CLNK: variants seen among roughly 807,000 people sequenced by gnomAD.
CLNK encodes cytokine dependent hematopoietic cell linker, also known as cytokine-dependent hematopoietic cell linker.
In CLNK, 74 loss-of-function variants were observed where a neutral mutation model predicts 68.6. That is an observed-to-expected ratio of 1.08 (90% CI 0.89 to 1.31). CLNK has a LOEUF of 1.31. CLNK is among the 50% of genes most tolerant of loss of function. The pLI is 0.00. For synonymous variants in CLNK, 198 were observed against 172.2 expected (o/e 1.15, Z -1.17); for missense variants, 553 against 515.3 (o/e 1.07, Z -0.71).
At chr4:10,530,863 G>A (rs1295452008) in intron 12 of CLNK, among the ~76,000 whole-genome samples, 1 of 152,160 alleles carries the variant, frequency 6.6e-6, no homozygotes, top group Non-Finnish European at 1.5e-5. Context: ...GTGACACTAA[G>A]GAAGTGCAAC....
intron 2 of CLNK, among the ~76,000 whole-genome samples, chr4:10,621,472 C>G (rs1051134784): frequency 2.0e-5 from 3 of 152,222 alleles, no homozygotes; most frequent in Non-Finnish European, 2.9e-5. Flanking sequence ...CAGTGGGTGT[C>G]CTTTGAGTCA....
At chr4:10,604,161 A>G (rs1721699056) in intron 2 of CLNK, among the ~76,000 whole-genome samples, 1 of 152,150 alleles carries the variant, frequency 6.6e-6, no homozygotes, top group Non-Finnish European at 1.5e-5. Flanking sequence ...TCGTGATTAT[A>G]TTTATTCTCT....
intron 10 of CLNK, among the ~76,000 whole-genome samples, chr4:10,541,211 CAA>C (rs762227935): frequency 2.1e-5 from 1 of 47,596 alleles, no homozygotes; most frequent in African/African-American, 5.8e-5. Context: ...CAGACTGTCT[CAA>C]AAAAAAAACA....
At chr4:10,720,414 A>G in the CLNK span, among the ~76,000 whole-genome samples, 1 of 152,120 alleles carries the variant, frequency 6.6e-6, no homozygotes, top group Admixed American at 6.5e-5. Context: ...AAATTAAATT[A>G]GAAAGTAGGC....
intron 14 of CLNK, among the ~76,000 whole-genome samples, chr4:10,525,111 C>G (rs1718250322): frequency 6.6e-6 from 1 of 152,144 alleles, no homozygotes; most frequent in Non-Finnish European, 1.5e-5. Flanking sequence ...GTCGCCCAGG[C>G]TGGAGTGCAG....
chr4:10,660,186 C>A (rs1416517677), intron 2 of CLNK, among the ~76,000 whole-genome samples: 1 of 152,150 alleles, frequency 6.6e-6, no homozygotes. Context: ...TTCCATGTAA[C>A]AAAATGCAGC....
At chr4:10,644,980 A>C (rs1003575894) in intron 2 of CLNK, among the ~76,000 whole-genome samples, 1 of 152,256 alleles carries the variant, frequency 6.6e-6, no homozygotes, top group Non-Finnish European at 1.5e-5. Context: ...CCCAGTTCAT[A>C]GCTGGGTAAG....
intron 15 of CLNK, among the ~76,000 whole-genome samples, chr4:10,513,845 A>G (rs1245761951): frequency 6.9e-6 from 1 of 144,786 alleles, no homozygotes. Flanking sequence ...TATTATTATT[A>G]TTATTATTAT....
At chr4:10,626,720 T>C (rs1232005616) in intron 2 of CLNK, among the ~76,000 whole-genome samples, 7 of 152,342 alleles carry the variant, frequency 4.6e-5, no homozygotes, top group African/African-American at 1.7e-4. Context: ...GAAATCATAT[T>C]TGATGACTGC....
upstream of CLNK, among the ~76,000 whole-genome samples, chr4:10,688,104 G>A (rs1295395522): frequency 1.3e-5 from 2 of 152,150 alleles, no homozygotes; most frequent in Non-Finnish European, 2.9e-5. Flanking sequence ...TCCTGCAATG[G>A]GCTAGCATGT....
At chr4:10,542,920 A>G (rs1223994323) in intron 8 of CLNK, among the ~76,000 whole-genome samples, 1 of 152,038 alleles carries the variant, frequency 6.6e-6, no homozygotes. Context: ...ATTTGTCTGA[A>G]CTCTAGGTAG....
At chr4:10,567,319 A>C (rs1396814532) in intron 5 of CLNK, among the ~76,000 whole-genome samples, 1 of 152,188 alleles carries the variant, frequency 6.6e-6, no homozygotes, top group Non-Finnish European at 1.5e-5. Context: ...GAAGTGTACT[A>C]AGACAATACA....
chr4:10,699,677 T>C, the CLNK span, among the ~76,000 whole-genome samples: 1 of 151,146 alleles, frequency 6.6e-6, no homozygotes, highest in African/African-American at 2.4e-5. Flanking sequence ...CACACCCTGC[T>C]AATTTTTGTA....
intron 15 of CLNK, among the ~76,000 whole-genome samples, chr4:10,514,731 C>T (rs914977362): frequency 6.6e-6 from 1 of 150,376 alleles, no homozygotes; most frequent in Non-Finnish European, 1.5e-5. Context: ...CAATGGCAAC[C>T]AAAGCCAAAA....
chr4:10,596,264 A>C (rs1398981007), intron 3 of CLNK, among the ~76,000 whole-genome samples: 2 of 152,186 alleles, frequency 1.3e-5, no homozygotes, highest in Admixed American at 1.3e-4. Context: ...ACCTCAGGTG[A>C]TCCGCCTGCC....
At chr4:10,612,405 T>G (rs1722065764) in intron 2 of CLNK, among the ~76,000 whole-genome samples, 1 of 152,158 alleles carries the variant, frequency 6.6e-6, no homozygotes, top group East Asian at 1.9e-4. Context: ...TTGCTGAGAG[T>G]GTGTCAGCCA....
intron 3 of CLNK, among the ~76,000 whole-genome samples, chr4:10,590,033 C>A (rs768331079): frequency 5.3e-5 from 8 of 152,140 alleles, no homozygotes; most frequent in Non-Finnish European, 8.8e-5. Flanking sequence ...CACATTTGGG[C>A]CTAAAGAAAG....
At chr4:10,669,214 C>G (rs1008285415) in intron 1 of CLNK, among the ~76,000 whole-genome samples, 2 of 152,240 alleles carry the variant, frequency 1.3e-5, no homozygotes, top group South Asian at 2.1e-4. Flanking sequence ...CAGTGAGACA[C>G]AGTCCCTGCC....
At chr4:10,647,007 A>G (rs1265507312) in intron 2 of CLNK, among the ~76,000 whole-genome samples, 1 of 152,122 alleles carries the variant, frequency 6.6e-6, no homozygotes, top group Non-Finnish European at 1.5e-5. Context: ...ATCACTGAAC[A>G]TTGTATACAT....
Sources: gnomAD v4.1 joint callset for allele counts (sites outside exome capture counted in the v4.1 genomes callset) on GRCh38, gnomAD v4.1.1 for gene constraint, MANE v1.5 for transcripts, NCBI Gene and HGNC (gene_info 2026-07-23, HGNC 2026-07-21) for gene names.